Variants in POLR1C observed in about 807,000 individuals in gnomAD.
POLR1C encodes RNA polymerase I and III subunit C, also known as DNA-directed RNA polymerases I and III subunit RPAC1.
In POLR1C, 42 loss-of-function variants were observed where a neutral mutation model predicts 38.3. The observed-to-expected ratio is 1.10, with a 90% CI of 0.86 to 1.42. The LOEUF (loss-of-function observed/expected upper bound fraction) is 1.42. POLR1C is among the 40% of genes most tolerant of loss of function. The pLI is 0.00. For synonymous variants in POLR1C, 163 were observed against 163.9 expected (o/e 0.99, Z 0.04); for missense variants, 507 against 450.5 (o/e 1.13, Z -1.14).
At chr6:43,533,108 C>T (rs1794087373), downstream of POLR1C, among the ~76,000 whole-genome samples, 1 of 152,016 alleles carries the variant, frequency 6.6e-6, no homozygotes, top group South Asian at 2.1e-4. Context: ...GTACACCAGC[C>T]TGGGTGACAG....
rs370935238 is a variant in POLR1C, at chr6:43,521,305, G to A, written c.*5G>A. ...GATGCGGTTCAGATGGACTGAGCTT[G>A]GATGCTTCTGAGGCAAGCTGAAGCT... On this transcript the variant is annotated 3_prime_UTR_variant, in exon 9 of 9. Coordinates refer to ENST00000642195, the MANE Select transcript of POLR1C (RefSeq NM_203290.4). The A allele has an allele frequency of 7.4e-6, 12 of 1,612,010 alleles. No individual in the cohort carries two copies. In the African/African-American group the frequency reaches 1.5e-4, roughly 20 times the overall value.
At chr6:43,529,249 G>C (rs766135958) in exon 9 of POLR1C, 1 of 1,377,986 alleles carries the variant, frequency 7.3e-7, no homozygotes, top group Non-Finnish European at 9.7e-7. Flanking sequence ...ATAATTTCAG[G>C]TAAGAAAGAT....
downstream of POLR1C, chr6:43,522,697 GCT>G (rs1227734666): frequency 6.0e-6 from 3 of 496,984 alleles, no homozygotes; most frequent in Non-Finnish European, 1.3e-5. Flanking sequence ...GTCCACTTCG[GCT>G]CTCGGGGAAA....
chr6:43,521,669 GCAC>G (rs754379997), downstream of POLR1C: 207 of 338,880 alleles, frequency 6.1e-4, no homozygotes, highest in Non-Finnish European at 1.0e-3. Flanking sequence ...CTACAGGCAT[GCAC>G]CACCACACCT....
At chr6:43,534,086 T>A, downstream of POLR1C, 7 of 1,093,980 alleles carry the variant, frequency 6.4e-6, no homozygotes, top group Non-Finnish European at 8.0e-6. Context: ...AATCCAGTGA[T>A]ACTACAGTTT....
In POLR1C at chr6:43,517,155, C is replaced by T. The variant is rs1368459641; in HGVS notation, c.46C>T (p.Leu16=). Residue 16 remains leucine (L), a synonymous_variant, in exon 1 of 9, where the codon CTG becomes TTG. Transcript: ENST00000642195. ...AVEEMRSRVV[L]GEFGVRNVHT... Reference sequence around the variant, plus strand: ...GGAGGAAATGCGGAGCCGCGTGGTTCTGGGGGAGTTTGGGGTTCGCAATGT... The same window carrying T: ...GGAGGAAATGCGGAGCCGCGTGGTTTTGGGGGAGTTTGGGGTTCGCAATGT... 10 of 1,614,058 alleles carry T rather than the reference C, an allele frequency of 6.2e-6. No homozygotes were observed. The highest frequency in any genetic ancestry group is 7.6e-6 in the Non-Finnish European group (9 of 1,179,998).
rs751093408 is a variant in POLR1C at position 43,519,371 on chromosome 6, A to G, written c.180A>G (p.Ser60=). 1.2e-6 allele frequency: 2 copies of G among 1,613,602 alleles called. No homozygotes were observed. The highest frequency in any genetic ancestry group is 1.7e-5 in the Admixed American group (1 of 60,026). ...RVDVVHMDEN[S]LEFDMVGIDA... is the part of the protein sequence containing the mutation. ...ATGTAGTACACATGGATGAAAACTC[A>G]CTGGAGTTTGACATGGTGGGAATTG... The change falls in exon 3 of 9, where the codon TCA becomes TCG. Residue 60 remains serine, a synonymous_variant. Transcript: ENST00000642195.
intron 10 of POLR1C, chr6:43,551,471 A>C: frequency 1.2e-6 from 2 of 1,607,378 alleles, no homozygotes; most frequent in Non-Finnish European, 1.7e-6. Context: ...AAAGACATAA[A>C]ACAGGTTGAC....
intron 10 of POLR1C, among the ~76,000 whole-genome samples, chr6:43,552,975 T>A (rs1451719294): frequency 1.3e-5 from 2 of 152,198 alleles, no homozygotes; most frequent in Non-Finnish European, 2.9e-5. Flanking sequence ...TCTAAATCTG[T>A]TTCCTCTTCT....
At chr6:43,550,212 C>A (rs1010537255) in intron 9 of POLR1C, among the ~76,000 whole-genome samples, 1 of 152,200 alleles carries the variant, frequency 6.6e-6, no homozygotes, top group Non-Finnish European at 1.5e-5. Context: ...GCTATGGAAA[C>A]GCCTCTCTCT....
intron 9 of POLR1C, chr6:43,539,435 T>C: frequency 6.4e-7 from 1 of 1,565,616 alleles, no homozygotes; most frequent in East Asian, 2.2e-5. Context: ...GATCTCTGAT[T>C]CCTTAATGGG....
At chr6:43,561,136 T>A in intron 10 of POLR1C, 1 of 750,650 alleles carries the variant, frequency 1.3e-6, no homozygotes, top group African/African-American at 1.7e-5. Context: ...TTGTATTTCC[T>A]TTTGGCTAAA....
In POLR1C at chr6:43,521,398, G is replaced by A. The variant is rs1210345138; in HGVS notation, c.*98G>A. On this transcript the variant is annotated 3_prime_UTR_variant, in exon 9 of 9. Coordinates refer to ENST00000642195, the MANE Select transcript of POLR1C (RefSeq NM_203290.4). ...AGCCCAGTGTGACTAGGGATCCTGA[G>A]TTTTCTGGGACAATTCCAGCTTTAA... 2 of 1,599,262 alleles carry A rather than the reference G, an allele frequency of 1.3e-6. No individual in the cohort carries two copies. The highest frequency in any genetic ancestry group is 2.3e-4 in the Middle Eastern group (1 of 4,398).
At chr6:43,525,077 G>A, downstream of POLR1C, 1 of 1,570,538 alleles carries the variant, frequency 6.4e-7, no homozygotes, top group Non-Finnish European at 8.6e-7. Context: ...CCTTCCATGA[G>A]GGGCAGGGAA....
At chr6:43,540,714 G>A (rs796250169) in intron 9 of POLR1C, among the ~76,000 whole-genome samples, 4 of 152,316 alleles carry the variant, frequency 2.6e-5, no homozygotes, top group African/African-American at 9.6e-5. Context: ...CTGGTCTCCA[G>A]CAATGTTCCT....
intron 10 of POLR1C, among the ~76,000 whole-genome samples, chr6:43,558,150 A>G (rs1762210535): frequency 6.6e-6 from 1 of 152,178 alleles, no homozygotes; most frequent in Non-Finnish European, 1.5e-5. Context: ...GAACAGAACT[A>G]GAATATTAGA....
At chr6:43,547,387 G>C in intron 9 of POLR1C, 1 of 628,310 alleles carries the variant, frequency 1.6e-6, no homozygotes, top group Non-Finnish European at 2.9e-6. Flanking sequence ...GATCCTTAAA[G>C]CCAAAATAAT....
intron 9 of POLR1C, chr6:43,549,680 A>C: frequency 8.0e-6 from 11 of 1,374,972 alleles, no homozygotes; most frequent in Non-Finnish European, 1.1e-5. Flanking sequence ...ATTCACAATG[A>C]TTTTTCACAA....
chr6:43,554,518 G>C (rs1561879217), intron 10 of POLR1C, among the ~76,000 whole-genome samples: 1 of 151,518 alleles, frequency 6.6e-6, no homozygotes, highest in Admixed American at 6.6e-5. Flanking sequence ...TCCACCTCCT[G>C]GGTTCAAGTG....
Sources: gnomAD v4.1 joint callset for allele counts (sites outside exome capture counted in the v4.1 genomes callset) on GRCh38, gnomAD v4.1.1 for gene constraint, MANE v1.5 for transcripts, NCBI Gene and HGNC (gene_info 2026-07-23, HGNC 2026-07-21) for gene names.